MLLT3: variants seen among roughly 807,000 people sequenced by gnomAD.
MLLT3 encodes MLLT3 super elongation complex subunit.
In MLLT3, 4 loss-of-function variants were observed where a neutral mutation model predicts 53.2. That is an observed-to-expected ratio of 0.08 (90% CI 0.04 to 0.17). The LOEUF is 0.17. MLLT3 is among the 10% of genes least tolerant of loss of function. MLLT3 has a pLI of 1.00. For missense variants in MLLT3, 569 were observed against 684.0 expected (o/e 0.83, Z 1.87); for synonymous variants, 283 against 230.6 (o/e 1.23, Z -2.06).
At position 20,453,368 on chromosome 9, in the gene MLLT3, C is replaced by T. The variant is rs181293651; in HGVS notation, c.276+3336G>A. 1.2e-4 allele frequency among the ~76,000 whole-genome samples: 19 copies of T among 152,194 alleles called. No individual in the cohort carries two copies. The South Asian group carries it at 1.5e-3, about 12-fold the overall frequency. On this transcript the variant is annotated intron_variant, in intron 3 of 10. Coordinates refer to ENST00000380338, the MANE Select transcript of MLLT3 (RefSeq NM_004529.4). ...TTGAGCCCAGGAGCTCGAAATCATC[C>T]TGGGCAACATGGTGAAACCCTGTCT...
chr9:20,497,697 T>C (rs1825113774), intron 2 of MLLT3, among the ~76,000 whole-genome samples: 2 of 152,172 alleles, frequency 1.3e-5, no homozygotes, highest in African/African-American at 4.8e-5. Flanking sequence ...TGTTTATCCA[T>C]TCCCTGTTGG....
intron 2 of MLLT3, among the ~76,000 whole-genome samples, chr9:20,474,580 C>A (rs1431495457): frequency 1.3e-5 from 2 of 152,040 alleles, no homozygotes; most frequent in Non-Finnish European, 2.9e-5. Flanking sequence ...CTGAGAGACA[C>A]CCTTGTATTC....
chr9:20,527,803 A>T (rs1818240497), intron 2 of MLLT3, among the ~76,000 whole-genome samples: 1 of 152,256 alleles, frequency 6.6e-6, no homozygotes, highest in Non-Finnish European at 1.5e-5. Context: ...GAAAAGTCAA[A>T]CAACAGGCTT....
At chr9:20,409,525 C>T (rs572913897) in intron 5 of MLLT3, among the ~76,000 whole-genome samples, 2 of 152,318 alleles carry the variant, frequency 1.3e-5, no homozygotes, top group East Asian at 3.9e-4. Context: ...TCACCAGTCA[C>T]TTACCTACTA....
In MLLT3 at chr9:20,435,809, C is replaced by G. The variant is rs79430324; in HGVS notation, c.420+12314G>C. 8.0e-3 allele frequency among the ~76,000 whole-genome samples: 1,216 copies of G among 152,254 alleles called. 50 individuals are homozygous for G. The East Asian group carries it at 0.14, about 17-fold the overall frequency. The stretch of plus-strand genomic sequence containing the variant: ...ATAAAAATCTTCTGCCAGAAGTCTT[C>G]CAGGACTTGAAAAGCATCTTGGATT... On this transcript the variant is annotated intron_variant, in intron 4 of 10. Coordinates refer to ENST00000380338, the MANE Select transcript of MLLT3 (RefSeq NM_004529.4).
In MLLT3 at chr9:20,342,397, G is replaced by A. The variant is rs1434018131; in HGVS notation, c.*4046C>T. 1.3e-5 allele frequency: 3 copies of A among 223,094 alleles called. No individual in the cohort carries two copies. The highest frequency in any genetic ancestry group is 2.7e-5 in the Non-Finnish European group (3 of 111,878). The allele number at this position is 223,094 out of a possible 1,614,324, so 13.8% of individuals were successfully genotyped here. A position where few individuals can be genotyped will look rare whatever the true frequency, so the allele number is the denominator to read the frequency against. On this transcript the variant is annotated 3_prime_UTR_variant, in exon 11 of 11. Transcript: ENST00000380338. ...ACAGTCCATTAAAAAGATACTGACA[G>A]ATTTATAAAATGTATTGGCCTTGCA... is the stretch of plus-strand genomic sequence containing the variant.
chr9:20,418,768 GC>G (rs1822937510), intron 4 of MLLT3, among the ~76,000 whole-genome samples: 1 of 152,046 alleles, frequency 6.6e-6, no homozygotes, highest in Non-Finnish European at 1.5e-5. Flanking sequence ...AGGTGCACGT[GC>G]CACCATACCC....
intron 7 of MLLT3, among the ~76,000 whole-genome samples, chr9:20,362,182 C>T (rs185900765): frequency 6.6e-6 from 1 of 152,304 alleles, no homozygotes. Context: ...ACAAGAAAAG[C>T]AGCCCCCAAA....
intron 5 of MLLT3, among the ~76,000 whole-genome samples, chr9:20,398,911 C>CA (rs1033445029): frequency 7.3e-5 from 11 of 150,656 alleles, no homozygotes; most frequent in African/African-American, 1.5e-4. Flanking sequence ...AACAAACAAA[C>CA]AAAAAAAACA....
chr9:20,434,565 C>T (rs188811843), intron 4 of MLLT3, among the ~76,000 whole-genome samples: 1 of 152,228 alleles, frequency 6.6e-6, no homozygotes, highest in East Asian at 1.9e-4. Flanking sequence ...TTCAAGGACC[C>T]ATAACATACT....
At chr9:20,374,324 C>G (rs1821695763) in intron 5 of MLLT3, among the ~76,000 whole-genome samples, 1 of 152,182 alleles carries the variant, frequency 6.6e-6, no homozygotes, top group African/African-American at 2.4e-5. Flanking sequence ...TTTGAGGCTG[C>G]AGTGAGCTAC....
intron 2 of MLLT3, among the ~76,000 whole-genome samples, chr9:20,538,858 T>C (rs1038474458): frequency 1.3e-5 from 2 of 152,164 alleles, no homozygotes; most frequent in African/African-American, 4.8e-5. Flanking sequence ...GTCAAGTAAA[T>C]TTTTTGGTTT....
At chr9:20,439,592 G>A (rs1288043436) in intron 4 of MLLT3, among the ~76,000 whole-genome samples, 1 of 152,240 alleles carries the variant, frequency 6.6e-6, no homozygotes, top group African/African-American at 2.4e-5. Flanking sequence ...GCACCAGGAA[G>A]GGGAGTGGGG....
At chr9:20,560,070 T>C (rs1819162471) in intron 2 of MLLT3, among the ~76,000 whole-genome samples, 1 of 152,186 alleles carries the variant, frequency 6.6e-6, no homozygotes, top group Non-Finnish European at 1.5e-5. Flanking sequence ...CAGTCTCAGG[T>C]GTTGTTTTCT....
At chr9:20,470,796 A>G (rs1586974219) in intron 2 of MLLT3, among the ~76,000 whole-genome samples, 1 of 151,972 alleles carries the variant, frequency 6.6e-6, no homozygotes. Flanking sequence ...GAAAATTTTA[A>G]TATTTTAAAA....
At chr9:20,556,326 A>G (rs928832801) in intron 2 of MLLT3, among the ~76,000 whole-genome samples, 2 of 152,208 alleles carry the variant, frequency 1.3e-5, no homozygotes, top group Non-Finnish European at 2.9e-5. Flanking sequence ...TTTTTATTAC[A>G]TAAGTATGAC....
At chr9:20,479,022 A>T (rs1035097451) in intron 2 of MLLT3, among the ~76,000 whole-genome samples, 1 of 152,146 alleles carries the variant, frequency 6.6e-6, no homozygotes, top group African/African-American at 2.4e-5. Context: ...AAGGCTCTCA[A>T]TTAAAGAGAT....
At chr9:20,415,705 T>G (rs957390547) in intron 4 of MLLT3, among the ~76,000 whole-genome samples, 5 of 152,064 alleles carry the variant, frequency 3.3e-5, no homozygotes, top group African/African-American at 1.2e-4. Context: ...CACAGGACAG[T>G]AAGCAAGCAG....
chr9:20,485,341 A>T (rs530070050), intron 2 of MLLT3, among the ~76,000 whole-genome samples: 1 of 152,266 alleles, frequency 6.6e-6, no homozygotes, highest in Admixed American at 6.5e-5. Flanking sequence ...AGTCTCCGTT[A>T]ATAGTTTTAT....
Sources: allele counts gnomAD v4.1 joint callset (sites outside exome capture counted in the v4.1 genomes callset), GRCh38; gene constraint gnomAD v4.1.1; transcripts MANE v1.5; gene names NCBI Gene and HGNC (gene_info 2026-07-23, HGNC 2026-07-21).